The following SAMTOR variants were observed in gnomAD, a reference collection of about 807,000 sequenced individuals.
The protein encoded by SAMTOR is UPF0532 protein C7orf60.
chr7:112,901,605 G>A, the SAMTOR span, among the ~76,000 whole-genome samples: 1 of 152,162 alleles, frequency 6.6e-6, no homozygotes, highest in African/African-American at 2.4e-5. Context: ...TCCAGTCAAT[G>A]GAAAAATTGT....
the SAMTOR span, among the ~76,000 whole-genome samples, chr7:112,913,813 T>C: frequency 0.063 from 9,659 of 152,206 alleles, 406 homozygotes; most frequent in South Asian, 0.13. Context: ...CTTTATATCA[T>C]TGGCACACAT....
At chr7:112,930,086 G>A in the SAMTOR span, among the ~76,000 whole-genome samples, 6 of 152,088 alleles carry the variant, frequency 3.9e-5, no homozygotes, top group African/African-American at 1.4e-4. Flanking sequence ...CGGGCCCTAA[G>A]ATGCCTTATC....
the SAMTOR span, among the ~76,000 whole-genome samples, chr7:112,893,881 G>A: frequency 1.2e-4 from 19 of 152,182 alleles, no homozygotes; most frequent in African/African-American, 4.3e-4. Flanking sequence ...CAGCCTGGGC[G>A]ACAGAGCGAG....
chr7:112,921,599 G>C, the SAMTOR span, among the ~76,000 whole-genome samples: 1 of 146,186 alleles, frequency 6.8e-6, no homozygotes, highest in Non-Finnish European at 1.5e-5. Flanking sequence ...TGACAAATGG[G>C]ATCTAATTAA....
At chr7:112,858,161 G>C in the SAMTOR span, among the ~76,000 whole-genome samples, 1 of 152,036 alleles carries the variant, frequency 6.6e-6, no homozygotes, top group Non-Finnish European at 1.5e-5. Flanking sequence ...TGTGGAGTCT[G>C]AATACTATTA....
the SAMTOR span, among the ~76,000 whole-genome samples, chr7:112,892,509 C>T: frequency 8.5e-5 from 13 of 152,182 alleles, no homozygotes; most frequent in African/African-American, 3.1e-4. Context: ...TGACTCATGC[C>T]TGTAATCCTA....
At chr7:112,935,883 T>C in the SAMTOR span, among the ~76,000 whole-genome samples, 1 of 151,996 alleles carries the variant, frequency 6.6e-6, no homozygotes, top group African/African-American at 2.4e-5. Flanking sequence ...GTGAATACGA[T>C]TATGGAAAAA....
chr7:112,926,308 C>T, the SAMTOR span, among the ~76,000 whole-genome samples: 1 of 152,146 alleles, frequency 6.6e-6, no homozygotes, highest in African/African-American at 2.4e-5. Context: ...TACTTTGAAA[C>T]TCAATTTACT....
chr7:112,850,791 C>G, the SAMTOR span, among the ~76,000 whole-genome samples: 7 of 152,108 alleles, frequency 4.6e-5, no homozygotes, highest in African/African-American at 1.7e-4. Context: ...TTATGTGAAT[C>G]ACCTTTTTTC....
chr7:112,843,502 G>A, the SAMTOR span, among the ~76,000 whole-genome samples: 1 of 151,830 alleles, frequency 6.6e-6, no homozygotes, highest in Non-Finnish European at 1.5e-5. Flanking sequence ...ATAAAAGAAG[G>A]AATTGCTAAA....
the SAMTOR span, among the ~76,000 whole-genome samples, chr7:112,920,606 T>C: frequency 6.8e-5 from 10 of 147,428 alleles, no homozygotes; most frequent in South Asian, 4.5e-4. Flanking sequence ...CCAGGGCAAT[T>C]AGGCAGGAGA....
At chr7:112,900,494 C>A in the SAMTOR span, among the ~76,000 whole-genome samples, 1 of 152,102 alleles carries the variant, frequency 6.6e-6, no homozygotes, top group Non-Finnish European at 1.5e-5. Flanking sequence ...GCAGACACAC[C>A]CAGAAATAAT....
the SAMTOR span, among the ~76,000 whole-genome samples, chr7:112,923,446 T>C: frequency 3.8e-4 from 57 of 151,454 alleles, no homozygotes; most frequent in East Asian, 7.7e-4. Flanking sequence ...CAAATCCCCC[T>C]CTGGGAGAAA....
chr7:112,890,131 G>A, the SAMTOR span, among the ~76,000 whole-genome samples: 1 of 152,192 alleles, frequency 6.6e-6, no homozygotes, highest in Non-Finnish European at 1.5e-5. Context: ...GGGAGGCTAT[G>A]TGAATATGCA....
At chr7:112,925,025 T>C in the SAMTOR span, among the ~76,000 whole-genome samples, 1 of 152,202 alleles carries the variant, frequency 6.6e-6, no homozygotes, top group African/African-American at 2.4e-5. Flanking sequence ...CCGAAGTTCA[T>C]TTAAGACATA....
chr7:112,873,910 T>C, the SAMTOR span, among the ~76,000 whole-genome samples: 1 of 152,046 alleles, frequency 6.6e-6, no homozygotes. Flanking sequence ...TGAACAGATA[T>C]TTAATAGAAG....
chr7:112,856,101 G>A, the SAMTOR span, among the ~76,000 whole-genome samples: 1 of 151,960 alleles, frequency 6.6e-6, no homozygotes, highest in Non-Finnish European at 1.5e-5. Context: ...ATATAAACGA[G>A]TATACAACTA....
At chr7:112,885,514 G>A in the SAMTOR span, among the ~76,000 whole-genome samples, 5 of 152,150 alleles carry the variant, frequency 3.3e-5, no homozygotes, top group African/African-American at 9.6e-5. Context: ...TGGGGCAGGA[G>A]CAAAATGCTG....
chr7:112,849,837 T>C, the SAMTOR span, among the ~76,000 whole-genome samples: 3 of 152,204 alleles, frequency 2.0e-5, no homozygotes, highest in Non-Finnish European at 4.4e-5. Flanking sequence ...GCTTTTTCTG[T>C]GTCTATTGAA....
Sources: gnomAD v4.1 joint callset for allele counts (sites outside exome capture counted in the v4.1 genomes callset) on GRCh38, gnomAD v4.1.1 for gene constraint, MANE v1.5 for transcripts, NCBI Gene and HGNC (gene_info 2026-07-23, HGNC 2026-07-21) for gene names.